The following MARCHF4 variants were observed in gnomAD, a reference collection of about 807,000 sequenced individuals.
MARCHF4 encodes membrane associated ring-CH-type finger 4.
In MARCHF4, 14 loss-of-function variants were observed where a neutral mutation model predicts 43.9. That is an observed-to-expected ratio of 0.32 (90% CI 0.21 to 0.50). The LOEUF (loss-of-function observed/expected upper bound fraction) is 0.50, where lower values mean the gene tolerates loss of function less well. Among genes scored for constraint, MARCHF4 ranks in the 20% least tolerant of loss-of-function variants. The pLI is 0.98. For synonymous variants in MARCHF4, 226 were observed against 213.3 expected (o/e 1.06, Z -0.52); for missense variants, 468 against 536.7 (o/e 0.87, Z 1.27).
intron 1 of MARCHF4, among the ~76,000 whole-genome samples, chr2:216,367,140 G>A (rs1692679482): frequency 6.6e-6 from 1 of 152,086 alleles, no homozygotes; most frequent in African/African-American, 2.4e-5. Flanking sequence ...GGGAGGTGGG[G>A]GTCTGCTTAA....
Position 216,294,804 on chromosome 2 carries a change from A to G in MARCHF4, c.517-11075T>C, listed in dbSNP as rs571331133. Among the ~76,000 whole-genome samples, 4 of 152,332 alleles carry G rather than the reference A, an allele frequency of 2.6e-5. No individual in the cohort carries two copies. The South Asian group carries it at 8.3e-4, about 32-fold the overall frequency. ...CCTTGTCTCCTACATTAAGACTCTT[A>G]TGTATACAAAGATAAAAATAAATAC... On this transcript the variant is annotated intron_variant, in intron 1 of 3. Transcript: ENST00000273067.
chr2:216,340,256 T>TC (rs1340589182), intron 1 of MARCHF4, among the ~76,000 whole-genome samples: 1 of 152,166 alleles, frequency 6.6e-6, no homozygotes, highest in African/African-American at 2.4e-5. Flanking sequence ...ATGAGGGACC[T>TC]CGGAGTGGGC....
intron 1 of MARCHF4, among the ~76,000 whole-genome samples, chr2:216,330,985 G>T (rs929912743): frequency 1.4e-4 from 22 of 152,004 alleles, no homozygotes; most frequent in African/African-American, 4.8e-4. Context: ...AATAAGATCA[G>T]AAATTAATGA....
intron 1 of MARCHF4, among the ~76,000 whole-genome samples, chr2:216,339,461 A>C (rs937598163): frequency 1.3e-5 from 2 of 152,186 alleles, no homozygotes; most frequent in Non-Finnish European, 2.9e-5. Flanking sequence ...TCTGACTCTA[A>C]TTAGCAGGTG....
In MARCHF4 at chr2:216,369,933, AG is replaced by A; in HGVS notation, c.327del (p.Leu110CysfsTer49). ...REPPPVPPPP[P>X]LPPSSVEDDW... ...TCATCTTCCACAGAAGAAGGTGGCA[AG>A]GGGGGTGGAGGTGGCACAGGAGGGG... On this transcript the variant is annotated frameshift_variant, in exon 1 of 4. Coordinates refer to ENST00000273067, the MANE Select transcript of MARCHF4 (RefSeq NM_020814.3). LOFTEE classifies it high-confidence loss of function. 1 of 1,605,186 alleles carries A rather than the reference AG, an allele frequency of 6.2e-7. No individual in the cohort carries two copies. Among genetic ancestry groups the A allele is most frequent in the Admixed American group, 1.7e-5 (1 of 58,924 alleles).
chr2:216,339,152 T>C (rs1267528703), intron 1 of MARCHF4, among the ~76,000 whole-genome samples: 1 of 152,226 alleles, frequency 6.6e-6, no homozygotes, highest in Admixed American at 6.5e-5. Context: ...TCCTGATCTG[T>C]AGTTTGAGAG....
intron 1 of MARCHF4, among the ~76,000 whole-genome samples, chr2:216,288,263 C>A (rs1691248857): frequency 6.6e-6 from 1 of 152,180 alleles, no homozygotes; most frequent in African/African-American, 2.4e-5. Flanking sequence ...TTGTGCCTGG[C>A]CTGTAAGGGT....
intron 1 of MARCHF4, among the ~76,000 whole-genome samples, chr2:216,336,143 G>C (rs752087196): frequency 2.2e-4 from 32 of 146,980 alleles, no homozygotes; most frequent in Admixed American, 1.9e-3. Flanking sequence ...AAAAATGCTA[G>C]ACAATTGCTA....
At chr2:216,322,855 G>A (rs1452950689) in intron 1 of MARCHF4, among the ~76,000 whole-genome samples, 2 of 152,136 alleles carry the variant, frequency 1.3e-5, no homozygotes, top group African/African-American at 4.8e-5. Context: ...AGATACACAG[G>A]TGACCCAGCT....
At position 216,295,376 on chromosome 2, in the gene MARCHF4, C is replaced by T. The variant is rs1316851073; in HGVS notation, c.517-11647G>A. ...TTCTGGGCTTAAGCTATCCTCCCGC[C>T]TCAGCCTCCTGAGTTGCTGGGATTA... On this transcript the variant is annotated intron_variant, in intron 1 of 3. Coordinates refer to ENST00000273067, the MANE Select transcript of MARCHF4 (RefSeq NM_020814.3). Among the ~76,000 whole-genome samples, 4 of 152,212 alleles carry T rather than the reference C, an allele frequency of 2.6e-5. No individual in the cohort carries two copies. In the East Asian group the frequency reaches 5.8e-4, roughly 22 times the overall value.
At chr2:216,282,656 T>G (rs1691148295) in intron 2 of MARCHF4, among the ~76,000 whole-genome samples, 1 of 151,984 alleles carries the variant, frequency 6.6e-6, no homozygotes, top group Admixed American at 6.5e-5. Context: ...GCTGCTTGAT[T>G]TGGGGCATTT....
intron 1 of MARCHF4, among the ~76,000 whole-genome samples, chr2:216,329,368 G>A (rs1489432871): frequency 2.0e-5 from 3 of 151,956 alleles, no homozygotes; most frequent in South Asian, 2.1e-4. Context: ...GTGACAGAGC[G>A]AGACTCAGTC....
intron 1 of MARCHF4, among the ~76,000 whole-genome samples, chr2:216,363,224 C>A (rs1426890154): frequency 6.6e-6 from 1 of 152,198 alleles, no homozygotes; most frequent in East Asian, 1.9e-4. Flanking sequence ...AAGCCACATC[C>A]AATAAATTGG....
In MARCHF4 at chr2:216,372,240, C is replaced by G. The variant is rs955586710; in HGVS notation, c.-1980G>C. On this transcript the variant is annotated 5_prime_UTR_variant, in exon 1 of 4. Coordinates refer to ENST00000273067, the MANE Select transcript of MARCHF4 (RefSeq NM_020814.3). Reference sequence around the variant, plus strand: ...GGAAGGGAGGTGGCGGGGCGGCGAGCTGACCGTCCGAGAACTGGAAACAAG... The same window carrying G: ...GGAAGGGAGGTGGCGGGGCGGCGAGGTGACCGTCCGAGAACTGGAAACAAG... 6.6e-6 allele frequency among the ~76,000 whole-genome samples: 1 copy of G among 152,186 alleles called. No homozygotes were observed. The highest frequency in any genetic ancestry group is 1.5e-5 in the Non-Finnish European group (1 of 68,042).
At chr2:216,266,304 T>C (rs934297331) in intron 3 of MARCHF4, among the ~76,000 whole-genome samples, 43 of 152,064 alleles carry the variant, frequency 2.8e-4, no homozygotes, top group African/African-American at 1.0e-3. Flanking sequence ...AAGTAATGAG[T>C]CCTGCGTGCC....
intron 3 of MARCHF4, among the ~76,000 whole-genome samples, chr2:216,266,291 ATAAAG>A (rs1394792840): frequency 6.6e-6 from 1 of 152,172 alleles, no homozygotes; most frequent in African/African-American, 2.4e-5. Flanking sequence ...TTGAGATTAA[ATAAAG>A]TAATGAGTCC....
At chr2:216,260,206 G>T (rs1690718616) in intron 3 of MARCHF4, among the ~76,000 whole-genome samples, 1 of 152,248 alleles carries the variant, frequency 6.6e-6, no homozygotes, top group Non-Finnish European at 1.5e-5. Context: ...CAGTGATAGA[G>T]TTGGAAACAA....
chr2:216,259,324 G>T lies in MARCHF4; in HGVS notation c.1221C>A (p.Val407=). Residue 407 remains valine, a synonymous_variant, in exon 4 of 4, where the codon GTC becomes GTA. Coordinates refer to ENST00000273067, the MANE Select transcript of MARCHF4 (RefSeq NM_020814.3). ...CGGGCCTCTGCTCTCACACTGTCGT[G>T]ACTCTCATGACCAGCTCTCGGCTGC... The part of the protein sequence containing the change: ...PGSSRELVMR[V]TTV 6.5e-7 allele frequency: 1 copy of T among 1,549,364 alleles called. No homozygotes were observed. The highest frequency in any genetic ancestry group is 1.2e-5 in the South Asian group (1 of 80,770).
intron 1 of MARCHF4, among the ~76,000 whole-genome samples, chr2:216,305,037 T>C (rs1372715598): frequency 2.6e-5 from 4 of 152,110 alleles, no homozygotes; most frequent in African/African-American, 4.8e-5. Flanking sequence ...TTCCTAATCA[T>C]TCACTAGCCT....
Sources: allele counts gnomAD v4.1 joint callset (sites outside exome capture counted in the v4.1 genomes callset), GRCh38; gene constraint gnomAD v4.1.1; transcripts MANE v1.5; gene names NCBI Gene and HGNC (gene_info 2026-07-23, HGNC 2026-07-21).